The following EYA4 variants were observed in gnomAD, a reference collection of about 807,000 sequenced individuals.
EYA4 encodes the protein EYA transcriptional coactivator and phosphatase 4.
Under a neutral mutation model 87.9 loss-of-function variants are expected in EYA4, and 31 were observed. The ratio of observed to expected loss-of-function variants is 0.35; its 90% CI spans 0.27 to 0.48. The LOEUF (loss-of-function observed/expected upper bound fraction) is 0.48, where lower values mean the gene tolerates loss of function less well. Ranked by LOEUF, EYA4 falls within the 20% of genes least tolerant of loss-of-function variation. The pLI, the probability that EYA4 is intolerant of heterozygous loss-of-function variation, is 0.99. For synonymous variants in EYA4, 263 were observed against 270.6 expected (o/e 0.97, Z 0.28); for missense variants, 678 against 761.4 (o/e 0.89, Z 1.29).
At position 133,356,057 on chromosome 6, in the gene EYA4, A is replaced by AAGAG. The variant is rs35204258; in HGVS notation, c.34-26315_34-26312dup. Among the ~76,000 whole-genome samples the AAGAG allele has an allele frequency of 1.8e-4, 25 of 135,774 alleles. No homozygotes were observed. The East Asian group carries it at 3.2e-3, about 17-fold the overall frequency. 89.1% of individuals were successfully genotyped at this position (135,774 alleles called of 152,430 possible). ...AGAGAGAGAAAGAGAGAAAGAGAGA[A>AAGAG]AGAGAGAGAGAGAGAGAGAGAGAAA... On this transcript the variant is annotated intron_variant, in intron 2 of 19. Transcript: ENST00000355286.
intron 2 of EYA4, among the ~76,000 whole-genome samples, chr6:133,327,846 G>C (rs1421034755): frequency 6.6e-6 from 1 of 152,190 alleles, no homozygotes; most frequent in African/African-American, 2.4e-5. Context: ...TAAAAGATTA[G>C]GTAGGAAGCC....
At chr6:133,357,822 C>T (rs750739954) in intron 2 of EYA4, among the ~76,000 whole-genome samples, 30 of 151,936 alleles carry the variant, frequency 2.0e-4, no homozygotes, top group Non-Finnish European at 1.5e-5. Flanking sequence ...AGATTTTGCG[C>T]TGTGGTAATG....
intron 1 of EYA4, among the ~76,000 whole-genome samples, chr6:133,256,783 C>A (rs3777787): frequency 0.58 from 88,324 of 151,790 alleles, 25,946 homozygotes; most frequent in South Asian, 0.65. Flanking sequence ...TTTTGTTGTT[C>A]GATTTTTATA....
intron 3 of EYA4, among the ~76,000 whole-genome samples, chr6:133,441,042 T>A (rs1264709856): frequency 6.6e-6 from 1 of 152,192 alleles, no homozygotes; most frequent in Admixed American, 6.5e-5. Flanking sequence ...CTGGGGTTGA[T>A]GTTTTTCATC....
intron 19 of EYA4, among the ~76,000 whole-genome samples, chr6:133,527,907 T>C (rs530591217): frequency 6.6e-6 from 1 of 152,338 alleles, no homozygotes; most frequent in East Asian, 1.9e-4. Context: ...TTTTTCTTTT[T>C]CATTATCATC....
At chr6:133,389,715 G>A (rs532129440) in intron 3 of EYA4, among the ~76,000 whole-genome samples, 21 of 152,108 alleles carry the variant, frequency 1.4e-4, no homozygotes, top group Non-Finnish European at 2.5e-4. Flanking sequence ...TCTCTCAGTT[G>A]TCCTGTCTCA....
At chr6:133,468,881 C>T (rs1398320109) in intron 11 of EYA4, 150 bp downstream of exon 11, 1 of 785,834 alleles carries the variant, frequency 1.3e-6, no homozygotes, top group Admixed American at 2.0e-5. Context: ...TAAGACGAGG[C>T]TCTTCTGGCA....
chr6:133,393,575 G>GGTGA, intron 3 of EYA4, among the ~76,000 whole-genome samples: 1 of 152,252 alleles, frequency 6.6e-6, no homozygotes, highest in Middle Eastern at 3.4e-3. Flanking sequence ...GGCATGTTCA[G>GGTGA]GTGACAGAAG....
At chr6:133,308,007 A>T (rs529913355) in intron 2 of EYA4, among the ~76,000 whole-genome samples, 1 of 152,212 alleles carries the variant, frequency 6.6e-6, no homozygotes, top group South Asian at 2.1e-4. Flanking sequence ...GATGGTTTTT[A>T]TAAAGGGCAG....
chr6:133,443,245 T>C lies in EYA4; in HGVS notation c.84-3385T>C, dbSNP rs190243301. ...CAGTAGCAAAAAAAGTTTGCTAGTG[T>C]TTATTAATTGAACCATATGGCCCTG... On this transcript the variant is annotated intron_variant, in intron 3 of 19. Coordinates refer to ENST00000355286, the MANE Select transcript of EYA4 (RefSeq NM_004100.5). Among the ~76,000 whole-genome samples the C allele has an allele frequency of 1.7e-3, 262 of 152,066 alleles. 2 individuals are homozygous for C. In the East Asian group the frequency reaches 0.034, roughly 20 times the overall value.
intron 2 of EYA4, among the ~76,000 whole-genome samples, chr6:133,348,526 A>C (rs1015383099): frequency 6.6e-6 from 1 of 151,856 alleles, no homozygotes; most frequent in African/African-American, 2.4e-5. Context: ...CGGCCTCCCA[A>C]AGTGCTGGGA....
At chr6:133,333,247 A>C (rs9483575) in intron 2 of EYA4, among the ~76,000 whole-genome samples, 40,748 of 152,110 alleles carry the variant, frequency 0.27, 7,129 homozygotes, top group East Asian at 0.49. Flanking sequence ...AGTATTCCTT[A>C]ATGAATACTT....
intron 16 of EYA4, 72 bp from the exon 17 acceptor site, chr6:133,515,249 A>G (rs1799491023): frequency 3.7e-6 from 3 of 803,842 alleles, no homozygotes; most frequent in Non-Finnish European, 6.8e-6. Flanking sequence ...TTCCAGACAG[A>G]AGGGAATCTA....
intron 2 of EYA4, among the ~76,000 whole-genome samples, chr6:133,287,116 A>G (rs1778127732): frequency 6.6e-6 from 1 of 152,230 alleles, no homozygotes; most frequent in South Asian, 2.1e-4. Context: ...ACTGCCTGCA[A>G]AACATTTGAG....
At chr6:133,465,594 C>G (rs1422711813) in intron 10 of EYA4, among the ~76,000 whole-genome samples, 1 of 152,116 alleles carries the variant, frequency 6.6e-6, no homozygotes, top group Non-Finnish European at 1.5e-5. Flanking sequence ...TATATGTTGA[C>G]ACTTCCAAAT....
At chr6:133,448,416 A>G (rs1005267812) in intron 5 of EYA4, among the ~76,000 whole-genome samples, 14 of 152,126 alleles carry the variant, frequency 9.2e-5, no homozygotes, top group African/African-American at 3.4e-4. Context: ...AATTTTTCAT[A>G]ATTTCACCTA....
chr6:133,285,921 G>A (rs1778018626), intron 2 of EYA4, among the ~76,000 whole-genome samples: 1 of 152,226 alleles, frequency 6.6e-6, no homozygotes. Context: ...TTGCAGATCA[G>A]GAGGTCAGTT....
chr6:133,288,775 A>C (rs1408177989), intron 2 of EYA4, among the ~76,000 whole-genome samples: 1 of 152,144 alleles, frequency 6.6e-6, no homozygotes, highest in African/African-American at 2.4e-5. Flanking sequence ...AGATAGGGAA[A>C]TGAGAACCAG....
At chr6:133,277,355 C>G (rs1777261530) in intron 2 of EYA4, among the ~76,000 whole-genome samples, 1 of 152,068 alleles carries the variant, frequency 6.6e-6, no homozygotes, top group Non-Finnish European at 1.5e-5. Flanking sequence ...TCTCTGGCCC[C>G]AAAACTTTTA....
Sources: gnomAD v4.1 joint callset for allele counts (sites outside exome capture counted in the v4.1 genomes callset) on GRCh38, gnomAD v4.1.1 for gene constraint, MANE v1.5 for transcripts, NCBI Gene and HGNC (gene_info 2026-07-23, HGNC 2026-07-21) for gene names.